Variants in PCNX2 observed in about 807,000 individuals in gnomAD.
PCNX2 encodes the protein pecanex-like protein 2.
Under a neutral mutation model 223.8 loss-of-function variants are expected in PCNX2, and 168 were observed. The ratio of observed to expected loss-of-function variants is 0.75; its 90% CI spans 0.66 to 0.85. PCNX2 has a LOEUF of 0.85. Ranked by LOEUF, PCNX2 falls within the 40% of genes least tolerant of loss-of-function variation. The probability of loss-of-function intolerance (pLI) is 0.00; values close to 1 mark genes in which losing one functional copy is unlikely to be tolerated. For missense variants in PCNX2, 2,507 were observed against 2,675.5 expected (o/e 0.94, Z 1.39); for synonymous variants, 1,006 against 1,052.6 (o/e 0.96, Z 0.86).
At chr1:233,050,349 A>T (rs571634662) in intron 25 of PCNX2, among the ~76,000 whole-genome samples, 2 of 145,746 alleles carry the variant, frequency 1.4e-5, no homozygotes, top group Admixed American at 6.9e-5. Context: ...CATACTGAAT[A>T]AAAAAAAAAA....
chr1:233,014,739 C>T lies in PCNX2; in HGVS notation c.4878G>A (p.Leu1626=), dbSNP rs1234506193. ...TTLDSDEDSP[L]VTLSFALCTL... is the part of the protein sequence containing the mutation. ...TGCACAGGGCGAAGGACAGAGTCAC[C>T]AAGGGAGAGTCCTCGTCACTGTCCA... Residue 1626 remains leucine, a synonymous_variant, in exon 28 of 34, where the codon TTG becomes TTA. Coordinates refer to ENST00000258229, the MANE Select transcript of PCNX2 (RefSeq NM_014801.4). 6.2e-7 allele frequency: 1 copy of T among 1,613,904 alleles called. No individual in the cohort carries two copies. The highest frequency in any genetic ancestry group is 8.5e-7 in the Non-Finnish European group (1 of 1,179,890).
chr1:233,303,762 T>G, the PCNX2 span, among the ~76,000 whole-genome samples: 8 of 152,208 alleles, frequency 5.3e-5, no homozygotes, highest in Non-Finnish European at 1.2e-4. Context: ...AAAATTTAAA[T>G]TCTATTCTAT....
intron 19 of PCNX2, among the ~76,000 whole-genome samples, chr1:233,143,801 T>C (rs1423831537): frequency 6.6e-6 from 1 of 152,196 alleles, no homozygotes; most frequent in African/African-American, 2.4e-5. Context: ...GCAGATAAAC[T>C]GTTTCCTAAA....
chr1:233,307,717 C>T, the PCNX2 span, among the ~76,000 whole-genome samples: 2 of 152,108 alleles, frequency 1.3e-5, no homozygotes, highest in South Asian at 2.1e-4. Flanking sequence ...TCCACAAAAC[C>T]ACTTTTTGAG....
In PCNX2 at chr1:233,000,167, T is replaced by C. The variant is rs1670030946; in HGVS notation, c.5328+138A>G. On this transcript the variant is annotated intron_variant, in intron 30 of 33. Transcript: ENST00000258229. The surrounding 1 kb of genome is among the most constrained non-coding windows in gnomAD (Gnocchi z 4.6). Reference sequence around the variant, plus strand: ...TGCCCCACTTGCCAGCCAGCGCTCCTTCCAGAACATCCCTCTGAACAGAGG... The same window carrying C: ...TGCCCCACTTGCCAGCCAGCGCTCCCTCCAGAACATCCCTCTGAACAGAGG... 2.2e-6 allele frequency: 2 copies of C among 920,436 alleles called. No individual in the cohort carries two copies. The highest frequency in any genetic ancestry group is 2.8e-5 in the South Asian group (2 of 71,612). The allele number at this position is 920,436 out of a possible 1,614,324, so 57.0% of individuals were successfully genotyped here.
intron 25 of PCNX2, among the ~76,000 whole-genome samples, chr1:233,028,735 T>A (rs1194701630): frequency 6.6e-6 from 1 of 152,196 alleles, no homozygotes; most frequent in African/African-American, 2.4e-5. Flanking sequence ...TAGTGATTAA[T>A]CCATTTACAT....
chr1:233,176,849 TA>T (rs571314988), intron 17 of PCNX2, among the ~76,000 whole-genome samples: 18 of 152,092 alleles, frequency 1.2e-4, no homozygotes, highest in African/African-American at 4.3e-4. Context: ...CCGTCTCTAC[TA>T]AAAAAATACA....
At chr1:233,089,193 GA>G (rs5781725) in intron 23 of PCNX2, among the ~76,000 whole-genome samples, 95,452 of 151,964 alleles carry the variant, frequency 0.63, 30,473 homozygotes, top group African/African-American at 0.67. Context: ...ACAAATTACG[GA>G]AAAAAGGATT....
intron 17 of PCNX2, among the ~76,000 whole-genome samples, chr1:233,168,318 G>GT (rs1483572206): frequency 8.5e-5 from 13 of 152,164 alleles, no homozygotes; most frequent in Admixed American, 7.2e-4. Context: ...TTCTGAGCCA[G>GT]TATTTTTCCT....
intron 20 of PCNX2, among the ~76,000 whole-genome samples, chr1:233,136,001 G>T (rs1178254220): frequency 6.6e-6 from 1 of 152,228 alleles, no homozygotes; most frequent in Non-Finnish European, 1.5e-5. Context: ...TAGGGAGTAT[G>T]TGTCATGTGT....
In PCNX2 at chr1:233,057,218, A is replaced by G. The variant is rs773714491; in HGVS notation, c.4135+14T>C. On this transcript the variant is annotated intron_variant, in intron 24 of 33. Coordinates refer to ENST00000258229, the MANE Select transcript of PCNX2 (RefSeq NM_014801.4). ...ACAATAAATAGTTGAAAAAGAGAGA[A>G]GAGATCTTCTTACCTGGATCTCTTT... 4.0e-5 allele frequency: 63 copies of G among 1,575,360 alleles called. No individual in the cohort carries two copies. The South Asian group carries it at 6.8e-4, about 17-fold the overall frequency.
chr1:233,119,824 A>T (rs906694175), intron 21 of PCNX2, among the ~76,000 whole-genome samples: 1 of 152,094 alleles, frequency 6.6e-6, no homozygotes, highest in African/African-American at 2.4e-5. Flanking sequence ...CAAGCTACAG[A>T]GTGGGAGAAA....
chr1:233,130,286 C>T (rs11586044), intron 21 of PCNX2, among the ~76,000 whole-genome samples: 19,036 of 151,996 alleles, frequency 0.13, 1,300 homozygotes, highest in East Asian at 0.2. Flanking sequence ...CCACCAATTC[C>T]GGACACACTC....
intron 15 of PCNX2, 86 bp from the exon 16 acceptor site, chr1:233,179,261 G>C (rs1342653951): frequency 1.5e-6 from 2 of 1,354,718 alleles, no homozygotes; most frequent in East Asian, 4.8e-5. Flanking sequence ...ATATCCCCAA[G>C]GTCCAGCTGG....
At chr1:233,208,745 AG>A in intron 12 of PCNX2, 56 bp from the exon 13 acceptor site, 1 of 1,515,328 alleles carries the variant, frequency 6.6e-7, no homozygotes, top group Non-Finnish European at 8.9e-7. Context: ...AAATGAAAAA[AG>A]CCTCATAGTC....
intron 19 of PCNX2, among the ~76,000 whole-genome samples, chr1:233,156,628 C>CA (rs1317483737): frequency 6.6e-6 from 1 of 152,048 alleles, no homozygotes; most frequent in Non-Finnish European, 1.5e-5. Context: ...CGATTTTAAA[C>CA]AGACGTGGGC....
chr1:233,086,221 G>C (rs1673591832), intron 23 of PCNX2, among the ~76,000 whole-genome samples: 1 of 152,202 alleles, frequency 6.6e-6, no homozygotes, highest in African/African-American at 2.4e-5. Flanking sequence ...GAAATTCACA[G>C]TATATGATGT....
At chr1:233,071,912 C>A (rs1240816126) in intron 23 of PCNX2, among the ~76,000 whole-genome samples, 1 of 152,152 alleles carries the variant, frequency 6.6e-6, no homozygotes, top group Non-Finnish European at 1.5e-5. Context: ...CTGAGCATTT[C>A]TTTTATCATA....
intron 9 of PCNX2, among the ~76,000 whole-genome samples, chr1:233,235,324 G>C (rs1658320724): frequency 6.6e-6 from 1 of 152,048 alleles, no homozygotes; most frequent in Non-Finnish European, 1.5e-5. Flanking sequence ...ATCTCACTCT[G>C]CCCCAGGCTA....
Sources: gnomAD v4.1 joint callset for allele counts (sites outside exome capture counted in the v4.1 genomes callset) on GRCh38, gnomAD v4.1.1 for gene constraint, Gnocchi (gnomAD v3.1) non-coding constraint, MANE v1.5 for transcripts, NCBI Gene and HGNC (gene_info 2026-07-23, HGNC 2026-07-21) for gene names.